PHTF2: variants seen among roughly 807,000 people sequenced by gnomAD.
PHTF2 encodes protein PHTF2.
A neutral mutation model predicts 101.2 loss-of-function variants in PHTF2; 60 were observed. The observed-to-expected ratio is 0.59, with a 90% confidence interval of 0.48 to 0.73. PHTF2 has a LOEUF of 0.73. PHTF2 is among the 30% of genes least tolerant of loss of function. The pLI, the probability that PHTF2 is intolerant of heterozygous loss-of-function variation, is 0.00. For synonymous variants in PHTF2, 311 were observed against 307.3 expected (o/e 1.01, Z -0.13); for missense variants, 747 against 908.7 (o/e 0.82, Z 2.29).
chr7:77,936,235 T>G (rs979000266), intron 12 of PHTF2, among the ~76,000 whole-genome samples: 1 of 152,192 alleles, frequency 6.6e-6, no homozygotes, highest in Non-Finnish European at 1.5e-5. Context: ...AGAAACATTT[T>G]TTTTACCATA....
chr7:77,814,277 C>T (rs775788177), intron 1 of PHTF2, among the ~76,000 whole-genome samples: 2 of 152,172 alleles, frequency 1.3e-5, no homozygotes, highest in Non-Finnish European at 2.9e-5. Context: ...AGCCACTGGT[C>T]ACAACATTTT....
chr7:77,881,019 C>T (rs1014630333), intron 3 of PHTF2, among the ~76,000 whole-genome samples: 2 of 152,126 alleles, frequency 1.3e-5, no homozygotes, highest in African/African-American at 4.8e-5. Flanking sequence ...CTCTAGTGGA[C>T]AATATATTCT....
At chr7:77,894,569 A>G (rs1457418095) in intron 5 of PHTF2, among the ~76,000 whole-genome samples, 1 of 152,214 alleles carries the variant, frequency 6.6e-6, no homozygotes, top group Non-Finnish European at 1.5e-5. Flanking sequence ...TTGAGGAAGG[A>G]TTAATACATT....
chr7:77,938,931 GA>G (rs765626571), intron 13 of PHTF2, among the ~76,000 whole-genome samples: 1 of 152,182 alleles, frequency 6.6e-6, no homozygotes, highest in African/African-American at 2.4e-5. Context: ...ACTGGGTCTA[GA>G]AATTGATAAT....
intron 2 of PHTF2, among the ~76,000 whole-genome samples, chr7:77,846,550 T>TTC (rs1796299536): frequency 2.0e-5 from 1 of 49,102 alleles, no homozygotes; most frequent in African/African-American, 1.3e-4. Context: ...TTCCCTTCCC[T>TTC]CCCCTCCCCT....
chr7:77,903,021 A>T (rs1801538861), intron 7 of PHTF2, among the ~76,000 whole-genome samples: 1 of 152,154 alleles, frequency 6.6e-6, no homozygotes, highest in African/African-American at 2.4e-5. Flanking sequence ...AGAACTACCC[A>T]TCATCTTGCC....
chr7:77,940,287 A>G, exon 14 of PHTF2: 1 of 1,610,812 alleles, frequency 6.2e-7, no homozygotes, highest in South Asian at 1.1e-5. Flanking sequence ...GTGTAGCAGA[A>G]AGAACTTATA....
chr7:77,844,755 C>A (rs1378674478), intron 2 of PHTF2, among the ~76,000 whole-genome samples: 1 of 152,124 alleles, frequency 6.6e-6, no homozygotes, highest in African/African-American at 2.4e-5. Flanking sequence ...GAAATCTTGA[C>A]CTCATGCGAT....
Position 77,809,078 on chromosome 7 carries a change from A to G in PHTF2, c.-36+10107A>G, listed in dbSNP as rs568909709. ...AAATTTGTGTTTAGGGTGCATAAGCATTGTATAGCCAGAACCAGAGTAGAC... is the reference window on the plus strand; with the variant it reads ...AAATTTGTGTTTAGGGTGCATAAGCGTTGTATAGCCAGAACCAGAGTAGAC... On this transcript the variant is annotated intron_variant, in intron 1 of 19. Coordinates refer to ENST00000416283, the Ensembl canonical transcript of PHTF2. Among the ~76,000 whole-genome samples, 4 of 152,236 alleles carry G rather than the reference A, an allele frequency of 2.6e-5. No individual in the cohort carries two copies. In the South Asian group the frequency reaches 6.2e-4, roughly 24 times the overall value.
intron 5 of PHTF2, among the ~76,000 whole-genome samples, chr7:77,897,900 T>A (rs903187104): frequency 2.0e-5 from 3 of 151,986 alleles, no homozygotes; most frequent in African/African-American, 7.2e-5. Context: ...AGGCTGGTCT[T>A]GAACTCCTGA....
intron 1 of PHTF2, among the ~76,000 whole-genome samples, chr7:77,813,181 G>C (rs1793585330): frequency 6.6e-6 from 1 of 152,176 alleles, no homozygotes; most frequent in African/African-American, 2.4e-5. Context: ...TATTAGATGT[G>C]ATCACCAAGG....
chr7:77,856,874 A>G (rs1022241993), intron 3 of PHTF2, among the ~76,000 whole-genome samples: 3 of 152,198 alleles, frequency 2.0e-5, no homozygotes, highest in African/African-American at 7.2e-5. Flanking sequence ...GATATCTGCA[A>G]GTGTTCCTGG....
chr7:77,951,031 C>T (rs914574171), intron 17 of PHTF2, among the ~76,000 whole-genome samples: 1 of 152,244 alleles, frequency 6.6e-6, no homozygotes. Flanking sequence ...AGGCTTGCTT[C>T]TTCCACTGGC....
chr7:77,943,563 C>T (rs1805810169), intron 16 of PHTF2, among the ~76,000 whole-genome samples: 1 of 152,096 alleles, frequency 6.6e-6, no homozygotes, highest in Non-Finnish European at 1.5e-5. Context: ...TGCAGGGGAA[C>T]ATGTTCTCAG....
At chr7:77,858,961 C>A (rs1346997936) in intron 3 of PHTF2, among the ~76,000 whole-genome samples, 1 of 152,118 alleles carries the variant, frequency 6.6e-6, no homozygotes, top group East Asian at 1.9e-4. Flanking sequence ...AGTCCAAAAT[C>A]AAGGTGTCAG....
At chr7:77,920,859 G>T (rs563204455) in intron 10 of PHTF2, among the ~76,000 whole-genome samples, 34 of 150,582 alleles carry the variant, frequency 2.3e-4, no homozygotes, top group African/African-American at 5.6e-4. Context: ...TTTTTTTTTT[G>T]TTTTTTGTAG....
chr7:77,862,349 T>C (rs1368731623), intron 3 of PHTF2, among the ~76,000 whole-genome samples: 1 of 152,190 alleles, frequency 6.6e-6, no homozygotes, highest in African/African-American at 2.4e-5. Flanking sequence ...AATAGAATGT[T>C]TTTGGTTTTT....
intron 3 of PHTF2, among the ~76,000 whole-genome samples, chr7:77,866,324 T>C (rs1798063851): frequency 6.6e-6 from 1 of 152,062 alleles, no homozygotes; most frequent in South Asian, 2.1e-4. Context: ...AAATATTGAG[T>C]GAGACACAGG....
intron 3 of PHTF2, among the ~76,000 whole-genome samples, chr7:77,857,220 C>G (rs1797254041): frequency 6.6e-6 from 1 of 152,068 alleles, no homozygotes; most frequent in South Asian, 2.1e-4. Context: ...GGGGAGTTAA[C>G]AAGGATGAAA....
Sources: allele counts gnomAD v4.1 joint callset (sites outside exome capture counted in the v4.1 genomes callset), GRCh38; gene constraint gnomAD v4.1.1; transcripts MANE v1.5; gene names NCBI Gene and HGNC (gene_info 2026-07-23, HGNC 2026-07-21).